Variants in GDAP2 observed in about 807,000 individuals in gnomAD.
The protein encoded by GDAP2 is ganglioside-induced differentiation-associated protein 2.
GDAP2 carries 51 observed loss-of-function variants against 67.0 expected under a neutral mutation model. That is an observed-to-expected ratio of 0.76 (90% confidence interval 0.61 to 0.96). GDAP2 has a LOEUF of 0.96. GDAP2 is among the 40% of genes least tolerant of loss of function. The pLI is 0.00. For missense variants in GDAP2, 547 were observed against 588.3 expected (o/e 0.93, Z 0.73); for synonymous variants, 203 against 207.3 (o/e 0.98, Z 0.18).
chr1:117,878,925 A>G (rs1648559215), intron 12 of GDAP2, among the ~76,000 whole-genome samples: 2 of 152,220 alleles, frequency 1.3e-5, no homozygotes, highest in Non-Finnish European at 2.9e-5. Flanking sequence ...TATTGTTGCT[A>G]TCCCCATTTT....
chr1:117,921,416 T>C (rs371825855), intron 1 of GDAP2, among the ~76,000 whole-genome samples: 4 of 152,124 alleles, frequency 2.6e-5, no homozygotes, highest in South Asian at 2.1e-4. Context: ...ACTAGAGAAG[T>C]AAGCATTATG....
intron 13 of GDAP2, among the ~76,000 whole-genome samples, chr1:117,871,911 A>G (rs964974864): frequency 2.6e-5 from 4 of 152,336 alleles, no homozygotes; most frequent in Admixed American, 2.6e-4. Context: ...GACAACCTAC[A>G]GAATGGGAGA....
At chr1:117,928,736 C>G (rs1650559614) in intron 1 of GDAP2, among the ~76,000 whole-genome samples, 1 of 152,154 alleles carries the variant, frequency 6.6e-6, no homozygotes, top group African/African-American at 2.4e-5. Context: ...CTGCAGATAC[C>G]TTGTTCAAGA....
chr1:117,900,184 C>T (rs1649402409), intron 6 of GDAP2, among the ~76,000 whole-genome samples: 1 of 152,104 alleles, frequency 6.6e-6, no homozygotes, highest in South Asian at 2.1e-4. Context: ...TGTTGCTATG[C>T]TGCCCAGGCT....
Position 117,868,171 on chromosome 1 carries a change from A to C in GDAP2, c.*2398T>G, listed in dbSNP as rs1205927394. 1 of 152,212 alleles carries C rather than the reference A, an allele frequency of 6.6e-6. No homozygotes were observed. The highest frequency in any genetic ancestry group is 2.4e-5 in the African/African-American group (1 of 41,458). 9.4% of individuals were successfully genotyped at this position (152,212 alleles called of 1,614,324 possible). A position where few individuals can be genotyped will look rare whatever the true frequency, so the allele number is the denominator to read the frequency against. On this transcript the variant is annotated 3_prime_UTR_variant, in exon 14 of 14. Transcript: ENST00000369443. Reference sequence around the variant, plus strand: ...CAGATTGGTATACCAAATGTTGCTTAATCATTTCAATATCAAGGTCATTAT... The same window carrying C: ...CAGATTGGTATACCAAATGTTGCTTCATCATTTCAATATCAAGGTCATTAT...
intron 12 of GDAP2, among the ~76,000 whole-genome samples, chr1:117,878,411 T>C (rs926039099): frequency 2.1e-4 from 32 of 152,180 alleles, no homozygotes; most frequent in African/African-American, 6.5e-4. Flanking sequence ...TTCCATTACA[T>C]GTATATAAGT....
intron 8 of GDAP2, among the ~76,000 whole-genome samples, chr1:117,889,685 T>G (rs1648999559): frequency 6.6e-6 from 1 of 152,096 alleles, no homozygotes; most frequent in Admixed American, 6.6e-5. Context: ...ACAAAAATAA[T>G]ATAAAAACGT....
intron 13 of GDAP2, among the ~76,000 whole-genome samples, chr1:117,871,964 G>A (rs1648303265): frequency 6.6e-6 from 1 of 151,796 alleles, no homozygotes; most frequent in African/African-American, 2.4e-5. Context: ...CTAATATCCA[G>A]AATCCACAAG....
chr1:117,886,554 A>G, intron 10 of GDAP2, 23 bp downstream of exon 10: 1 of 1,246,008 alleles, frequency 8.0e-7, no homozygotes, highest in South Asian at 1.2e-5. Flanking sequence ...TTGTTTGTAA[A>G]ACAGAGCCTT....
rs145503794 is a variant in GDAP2 at position 117,912,613 on chromosome 1, C to T, written c.387G>A (p.Val129=). ...NLAARFIIHT[V]GPKYKSRYRT... is the part of the protein sequence containing the mutation. ...GATAGCGGCTTTTATATTTAGGTCC[C>T]ACTGTGTGAATGATGAACCGGGCAG... is the stretch of plus-strand genomic sequence containing the variant. Residue 129 remains valine, a synonymous_variant, in exon 4 of 14, where the codon GTG becomes GTA. Transcript: ENST00000369443. The T allele has an allele frequency of 6.2e-6, 10 of 1,613,488 alleles. No homozygotes were observed. The highest frequency in any genetic ancestry group is 7.6e-6 in the Non-Finnish European group (9 of 1,179,480).
chr1:117,921,925 A>T (rs1650266692), intron 1 of GDAP2, among the ~76,000 whole-genome samples: 1 of 152,166 alleles, frequency 6.6e-6, no homozygotes, highest in African/African-American at 2.4e-5. Flanking sequence ...CAGTAGGGAG[A>T]AAGAGCAGAA....
intron 1 of GDAP2, among the ~76,000 whole-genome samples, chr1:117,927,660 T>C (rs1317157664): frequency 1.3e-5 from 2 of 152,210 alleles, no homozygotes; most frequent in South Asian, 2.1e-4. Context: ...TTAAGAATCA[T>C]TTTATGCCAT....
At chr1:117,923,140 T>C (rs1383246609) in intron 1 of GDAP2, among the ~76,000 whole-genome samples, 1 of 152,248 alleles carries the variant, frequency 6.6e-6, no homozygotes, top group African/African-American at 2.4e-5. Context: ...CCTGCATCGC[T>C]GTTATCCTGT....
intron 3 of GDAP2, among the ~76,000 whole-genome samples, chr1:117,915,793 T>A (rs1451792896): frequency 6.6e-6 from 1 of 151,666 alleles, no homozygotes; most frequent in South Asian, 2.1e-4. Flanking sequence ...CAACCCTGCC[T>A]ATTCTAATTT....
At chr1:117,923,250 T>C (rs1650324433) in intron 1 of GDAP2, among the ~76,000 whole-genome samples, 1 of 152,164 alleles carries the variant, frequency 6.6e-6, no homozygotes, top group Non-Finnish European at 1.5e-5. Context: ...TGAGGTGACA[T>C]ACATCCTCAG....
chr1:117,897,546 C>A (rs536090917), intron 7 of GDAP2, among the ~76,000 whole-genome samples: 1 of 152,224 alleles, frequency 6.6e-6, no homozygotes, highest in East Asian at 1.9e-4. Flanking sequence ...TTATTTTGGT[C>A]CATAAGAGTT....
At chr1:117,880,214 G>GA (rs1648605632) in intron 12 of GDAP2, among the ~76,000 whole-genome samples, 1 of 151,706 alleles carries the variant, frequency 6.6e-6, no homozygotes, top group Non-Finnish European at 1.5e-5. Context: ...AGAGAGAGAG[G>GA]CTGACAAATG....
chr1:117,929,138 C>T (rs1344062661), intron 1 of GDAP2, among the ~76,000 whole-genome samples: 1 of 152,158 alleles, frequency 6.6e-6, no homozygotes, highest in Non-Finnish European at 1.5e-5. Context: ...CTACAACCAG[C>T]AAGAGCTCCC....
At chr1:117,912,986 C>G (rs1649913223) in intron 3 of GDAP2, among the ~76,000 whole-genome samples, 1 of 152,078 alleles carries the variant, frequency 6.6e-6, no homozygotes, top group Non-Finnish European at 1.5e-5. Flanking sequence ...AGCAGACAAA[C>G]CTAATTGCTT....
Sources: allele counts gnomAD v4.1 joint callset (sites outside exome capture counted in the v4.1 genomes callset), GRCh38; gene constraint gnomAD v4.1.1; transcripts MANE v1.5; gene names NCBI Gene and HGNC (gene_info 2026-07-23, HGNC 2026-07-21).